ARMCX4: variants seen among roughly 807,000 people sequenced by gnomAD.
ARMCX4 encodes the protein armadillo repeat-containing X-linked protein 4.
Under a neutral mutation model 34.7 loss-of-function variants are expected in ARMCX4, and 3 were observed. The observed-to-expected ratio is 0.09, with a 90% CI of 0.04 to 0.22. The LOEUF is 0.22. Ranked by LOEUF, ARMCX4 falls within the 10% of genes least tolerant of loss-of-function variation. ARMCX4 has a pLI of 1.00. For missense variants in ARMCX4, 1,448 were observed against 1,720.8 expected, an observed-to-expected ratio of 0.84 and a Z score of 2.81; for synonymous variants, 513 against 632.8, an observed-to-expected ratio of 0.81 and a Z score of 2.84.
chrX:101,442,385 C>G (rs1022400380), intron 2 of ARMCX4, among the ~76,000 whole-genome samples: 21 of 111,235 alleles, frequency 1.9e-4, no homozygotes, highest in Non-Finnish European at 1.5e-4. Context: ...CAAGGGGTCA[C>G]CAGATTAGTA....
rs782803676 is a variant in ARMCX4, at chrX:101,491,462, G to C, written c.2873G>C (p.Gly958Ala). The C allele has an allele frequency of 2.7e-5, 31 of 1,155,331 alleles. No homozygotes were observed. Among genetic ancestry groups the C allele is most frequent in the Non-Finnish European group, 3.6e-5 (31 of 872,893 alleles). ...GTCCAGGTTGTGGCCAGTTTTCAGGGTGAGGTCTTGCCTGGGGCCAAAAAT... is the reference window on the plus strand; with the variant it reads ...GTCCAGGTTGTGGCCAGTTTTCAGGCTGAGGTCTTGCCTGGGGCCAAAAAT... ...VQVQVVASFQGEVLPGAKNKV... is the reference protein window; with the variant it reads ...VQVQVVASFQAEVLPGAKNKV... Residue 958 changes from glycine (G) to alanine (A), a missense_variant, in exon 6 of 6, where the codon GGT (glycine) becomes GCT (alanine). Gly to Ala is a moderately conservative substitution (Grantham distance 60, BLOSUM62 0). Coordinates refer to ENST00000423738, the MANE Select transcript of ARMCX4 (RefSeq NM_001256155.3).
intron 2 of ARMCX4, among the ~76,000 whole-genome samples, chrX:101,425,205 G>A (rs1201936534): frequency 2.7e-5 from 3 of 111,582 alleles, no homozygotes; most frequent in Non-Finnish European, 5.6e-5. Flanking sequence ...GTTTCAAGAT[G>A]TAGGGAATGG....
At chrX:101,447,408 A>G (rs1189916285), downstream of ARMCX4, 1 of 112,500 alleles carries the variant, frequency 8.9e-6, no homozygotes, top group African/African-American at 3.2e-5. Flanking sequence ...GCTGGGTCCT[A>G]TGCTAAATCC....
chrX:101,527,494 A>C (rs1344119404), intron 11 of ARMCX4, among the ~76,000 whole-genome samples: 1 of 111,732 alleles, frequency 8.9e-6, no homozygotes, highest in African/African-American at 3.3e-5. Flanking sequence ...GCAGAAATGA[A>C]GGAAATAGAG....
At chrX:101,530,531 A>G (rs1935105273) in intron 11 of ARMCX4, among the ~76,000 whole-genome samples, 1 of 112,227 alleles carries the variant, frequency 8.9e-6, no homozygotes, top group African/African-American at 3.2e-5. Flanking sequence ...AAAAAAAGAA[A>G]AAAATTTTAA....
chrX:101,493,830 C>T lies in ARMCX4; in HGVS notation c.5241C>T (p.Cys1747=). ...CTGAGGCCGTTATAGGGTCTTGGTG[C>T]TGGACAGAGGAAAAAGCTGATATTG... ...PGAEAVIGSW[C]WTEEKADIVS... is the part of the protein sequence containing the mutation. The change falls in exon 6 of 6, where the codon TGC becomes TGT. Residue 1747 remains cysteine (C), a synonymous_variant. Coordinates refer to ENST00000423738, the MANE Select transcript of ARMCX4 (RefSeq NM_001256155.3). 1.7e-6 allele frequency: 2 copies of T among 1,153,011 alleles called. No homozygotes were observed. The highest frequency in any genetic ancestry group is 3.3e-5 in the East Asian group (1 of 30,625).
intron 3 of ARMCX4, among the ~76,000 whole-genome samples, chrX:101,445,135 A>G (rs1271933637): frequency 2.7e-5 from 3 of 112,497 alleles, no homozygotes; most frequent in African/African-American, 9.7e-5. Flanking sequence ...GAGGAAGGAC[A>G]CAAAAGATAA....
chrX:101,482,063 G>A (rs1556005527), upstream of ARMCX4, among the ~76,000 whole-genome samples: 2 of 110,682 alleles, frequency 1.8e-5, no homozygotes, highest in Non-Finnish European at 3.8e-5. Context: ...GTGAAACCCA[G>A]TCTCTACTAA....
intron 2 of ARMCX4, among the ~76,000 whole-genome samples, chrX:101,430,394 A>G (rs781947025): frequency 2.0e-4 from 22 of 112,302 alleles, no homozygotes; most frequent in Non-Finnish European, 2.3e-4. Flanking sequence ...GGTCTAATCA[A>G]CTCTGAGGTA....
downstream of ARMCX4, chrX:101,447,703 T>C (rs1343716553): frequency 9.0e-6 from 1 of 110,874 alleles, no homozygotes; most frequent in East Asian, 2.8e-4. Context: ...TAATTCTTAG[T>C]TTTTGTGGGT....
intron 11 of ARMCX4, among the ~76,000 whole-genome samples, chrX:101,517,967 A>T (rs1934777141): frequency 8.9e-6 from 1 of 112,104 alleles, no homozygotes; most frequent in Non-Finnish European, 1.9e-5. Context: ...AAGAATAGTT[A>T]GACAGATCTT....
At chrX:101,430,208 A>G (rs1273071428) in intron 2 of ARMCX4, among the ~76,000 whole-genome samples, 1 of 112,413 alleles carries the variant, frequency 8.9e-6, no homozygotes, top group Non-Finnish European at 1.9e-5. Flanking sequence ...GTCAACCATA[A>G]CACAGATGCC....
intron 11 of ARMCX4, among the ~76,000 whole-genome samples, chrX:101,521,113 G>A (rs1934846042): frequency 9.2e-6 from 1 of 109,105 alleles, no homozygotes; most frequent in Non-Finnish European, 1.9e-5. Context: ...CATATTTTTA[G>A]TAGAGACAGG....
Position 101,485,547 on chromosome X carries a change from C to A in ARMCX4, c.-437+17C>A. The A allele has an allele frequency of 2.4e-6, 1 of 417,462 alleles. No homozygotes were observed. Among genetic ancestry groups the A allele is most frequent in the Non-Finnish European group, 3.0e-6 (1 of 332,094 alleles). The allele number at this position is 417,462 out of a possible 1,213,427, so 34.4% of individuals were successfully genotyped here. A position where few individuals can be genotyped will look rare whatever the true frequency, so the allele number is the denominator to read the frequency against. ...GCGGAGCAGGTAAGGGCCCTGGGGCCCGCGCGCCCTGGCCAGGCCGGCAGA... is the reference window on the plus strand; with the variant it reads ...GCGGAGCAGGTAAGGGCCCTGGGGCACGCGCGCCCTGGCCAGGCCGGCAGA... On this transcript the variant is annotated intron_variant, in intron 1 of 5. Transcript: ENST00000423738.
downstream of ARMCX4, among the ~76,000 whole-genome samples, chrX:101,450,782 TG>T (rs782627836): frequency 1.5e-3 from 168 of 111,505 alleles, 1 homozygote; most frequent in African/African-American, 5.0e-3. Context: ...CAGCAGGTGA[TG>T]GGTCCTGCCA....
At chrX:101,517,285 C>A (rs1556018196) in intron 11 of ARMCX4, among the ~76,000 whole-genome samples, 1 of 112,166 alleles carries the variant, frequency 8.9e-6, no homozygotes, top group African/African-American at 3.2e-5. Flanking sequence ...AATAATATTG[C>A]TGTGGAAATT....
rs1933919984 is a variant in ARMCX4 at position 101,490,283 on chromosome X, G to C, written c.1694G>C (p.Arg565Thr). The C allele has an allele frequency of 1.7e-6, 2 of 1,153,959 alleles. No individual in the cohort carries two copies. The highest frequency in any genetic ancestry group is 2.3e-6 in the Non-Finnish European group (2 of 872,238). The change falls in exon 6 of 6, where the codon AGG (arginine) becomes ACG (threonine). Residue 565 changes from arginine to threonine, a missense_variant. This residue lies in a region of ARMCX4 where 1,343 missense variants were observed against 1,540.7 expected (regional missense o/e 0.87). Coordinates refer to ENST00000423738, the MANE Select transcript of ARMCX4 (RefSeq NM_001256155.3). Reference sequence around the variant, plus strand: ...CCAGCTGAGGCCTTGCTTGATTCCAGGGTTGATGGTAGGGGCAATCCTAAT... The same window carrying C: ...CCAGCTGAGGCCTTGCTTGATTCCACGGTTGATGGTAGGGGCAATCCTAAT... ...KTPAEALLDSRVDGRGNPNAT... is the reference protein window; with the variant it reads ...KTPAEALLDSTVDGRGNPNAT...
chrX:101,424,515 C>T (rs1481950360), intron 2 of ARMCX4, among the ~76,000 whole-genome samples: 1 of 111,409 alleles, frequency 9.0e-6, no homozygotes, highest in Admixed American at 9.6e-5. Flanking sequence ...AGCTCTCAAA[C>T]TGTGGGATCT....
At position 101,476,873 on chromosome X, in the gene ARMCX4, GA is replaced by G. The variant is rs781848622; in HGVS notation, c.-472-9143del. 2.9e-4 allele frequency among the ~76,000 whole-genome samples: 32 copies of G among 110,013 alleles called. 2 individuals are homozygous for G. In the East Asian group the frequency reaches 8.6e-3, roughly 30 times the overall value. ...AGATAAGAAAAAAAGAAAGCAAGAA[GA>G]AAAAAATCACAATACAATTGATTGA... On this transcript the variant is annotated intron_variant and NMD_transcript_variant, in intron 4 of 15. Coordinates refer to the ARMCX4 transcript ENST00000433011.
Sources: allele counts gnomAD v4.1 joint callset (sites outside exome capture counted in the v4.1 genomes callset), GRCh38; gene constraint gnomAD v4.1.1; regional missense constraint gnomAD v4.1.1; transcripts MANE v1.5; gene names NCBI Gene and HGNC (gene_info 2026-07-23, HGNC 2026-07-21).